SVIL: variants seen among roughly 807,000 people sequenced by gnomAD.
The protein encoded by SVIL is supervillin, also known as archvillin.
A neutral mutation model predicts 240.4 loss-of-function variants in SVIL; 101 were observed. The observed-to-expected ratio is 0.42, with a 90% CI of 0.36 to 0.50. The LOEUF is 0.50. Ranked by LOEUF, SVIL falls within the 20% of genes least tolerant of loss-of-function variation. The probability of loss-of-function intolerance (pLI) is 0.01; values close to 1 mark genes in which losing one functional copy is unlikely to be tolerated. For missense variants in SVIL, 2,512 were observed against 2,818.7 expected (o/e 0.89, Z 2.46); for synonymous variants, 999 against 1,100.0 (o/e 0.91, Z 1.82).
rs2132379371 is a variant in SVIL at position 29,486,424 on chromosome 10, T to G, written c.4619A>C (p.Gln1540Pro). The G allele has an allele frequency of 3.1e-6, 5 of 1,614,196 alleles. No individual in the cohort carries two copies. The change falls in exon 25 of 38, where the codon CAA becomes CCA. Residue 1540 changes from glutamine to proline, a missense_variant. Around this residue, in one of 3 missense-constraint regions of SVIL, gnomAD observed 797 missense variants for 925.3 expected, o/e 0.86. Transcript: ENST00000355867. ...TGAAGTCTTACATTGGTAACTGGTT[T>G]GGCCACCCAGAAGCTTCCAGAAGTC... The part of the protein sequence containing the change: ...AKDFWKLLGG[Q>P]TSYQSAGDPK...
intron 1 of SVIL, among the ~76,000 whole-genome samples, chr10:29,688,601 T>C (rs1241138091): frequency 6.6e-6 from 1 of 152,194 alleles, no homozygotes; most frequent in Non-Finnish European, 1.5e-5. Flanking sequence ...GTGGCAAAAG[T>C]CATTTGAGCA....
chr10:29,502,696 G>C (rs1049919714), intron 17 of SVIL, among the ~76,000 whole-genome samples: 2 of 151,566 alleles, frequency 1.3e-5, no homozygotes, highest in East Asian at 3.9e-4. Flanking sequence ...TGGGTGGGTG[G>C]GTGTGTGTGT....
In SVIL at chr10:29,672,422, C is replaced by T. The variant is rs1448264517; in HGVS notation, c.-301+14131G>A. On this transcript the variant is annotated intron_variant, in intron 2 of 35. Coordinates refer to the SVIL transcript ENST00000375400. Reference sequence around the variant, plus strand: ...ATAGGAGGTTGAGGCTGCAGTGAGCCGTGATCACACCGCTGTGCTTCAGCC... The same window carrying T: ...ATAGGAGGTTGAGGCTGCAGTGAGCTGTGATCACACCGCTGTGCTTCAGCC... Among the ~76,000 whole-genome samples the T allele has an allele frequency of 4.6e-5, 7 of 151,552 alleles. No individual in the cohort carries two copies. The South Asian group carries it at 8.3e-4, about 18-fold the overall frequency.
chr10:29,484,872 C>T lies in SVIL; in HGVS notation c.4780-41G>A, dbSNP rs777407966. On this transcript the variant is annotated intron_variant, in intron 26 of 37. Coordinates refer to ENST00000355867, the MANE Select transcript of SVIL (RefSeq NM_021738.3). This position sits in a 1 kb window ranked among gnomAD's most constrained non-coding sequence, Gnocchi z 4.7. ...CAAAAGAATTTGTTAACTTCAAGAACATGCAACAGTTGAATCAGGTGCAAC... is the reference window on the plus strand; with the variant it reads ...CAAAAGAATTTGTTAACTTCAAGAATATGCAACAGTTGAATCAGGTGCAAC... The T allele has an allele frequency of 2.4e-5, 37 of 1,558,000 alleles. No homozygotes were observed. Among genetic ancestry groups the T allele is most frequent in the Non-Finnish European group, 3.0e-5 (35 of 1,148,332 alleles).
In SVIL at chr10:29,526,954, C is replaced by G; in HGVS notation, c.2342+7G>C. The stretch of plus-strand genomic sequence containing the variant: ...GGGTGCCGCATGCATCTGTATCTGT[C>G]CAGTACCTGGCAGGCTGCACAGCGC... On this transcript the variant is annotated splice_region_variant and intron_variant, in intron 13 of 37. Transcript: ENST00000355867. 3 of 1,589,982 alleles carry G rather than the reference C, an allele frequency of 1.9e-6. No individual in the cohort carries two copies. The highest frequency in any genetic ancestry group is 2.6e-6 in the Non-Finnish European group (3 of 1,171,362).
At chr10:29,490,404 A>C (rs1402302704) in intron 22 of SVIL, among the ~76,000 whole-genome samples, 1 of 152,194 alleles carries the variant, frequency 6.6e-6, no homozygotes, top group Admixed American at 6.5e-5. Context: ...GAATTACCAT[A>C]CTCAGAAATA....
intron 2 of SVIL, among the ~76,000 whole-genome samples, chr10:29,673,612 G>C (rs568850473): frequency 5.3e-4 from 77 of 146,390 alleles, no homozygotes; most frequent in African/African-American, 1.8e-3. Context: ...AGAGCTAGGG[G>C]GGAACTGCCA....
intron 1 of SVIL, among the ~76,000 whole-genome samples, chr10:29,701,670 T>A (rs1048314212): frequency 1.3e-5 from 2 of 152,184 alleles, no homozygotes; most frequent in African/African-American, 4.8e-5. Flanking sequence ...AGGAAATCAT[T>A]CATCACAAAT....
At chr10:29,466,887 T>C (rs916883353) in intron 33 of SVIL, among the ~76,000 whole-genome samples, 2 of 152,244 alleles carry the variant, frequency 1.3e-5, no homozygotes, top group African/African-American at 2.4e-5. Context: ...CTAGGCATTA[T>C]GTTTAAAAAG....
intron 16 of SVIL, among the ~76,000 whole-genome samples, chr10:29,513,172 C>A (rs183290204): frequency 6.6e-6 from 1 of 152,300 alleles, no homozygotes; most frequent in Non-Finnish European, 1.5e-5. Context: ...GCAAGAGAAC[C>A]GTCCCCAGAG....
At chr10:29,725,305 T>C (rs1205299380) in intron 1 of SVIL, among the ~76,000 whole-genome samples, 1 of 152,054 alleles carries the variant, frequency 6.6e-6, no homozygotes, top group African/African-American at 2.4e-5. Flanking sequence ...CGTGTCCCCT[T>C]TGAGCCTCTC....
At chr10:29,729,799 A>G (rs1964511472) in intron 1 of SVIL, among the ~76,000 whole-genome samples, 1 of 130,454 alleles carries the variant, frequency 7.7e-6, no homozygotes, top group Non-Finnish European at 1.5e-5. Flanking sequence ...GCACCGTTGC[A>G]CTCCAGCCTG....
At chr10:29,585,271 A>G (rs1956118987) in intron 1 of SVIL, among the ~76,000 whole-genome samples, 1 of 152,032 alleles carries the variant, frequency 6.6e-6, no homozygotes. Context: ...CATGTTGCCC[A>G]GGTTGGTCTT....
At chr10:29,544,606 A>C (rs1589187976) in intron 6 of SVIL, among the ~76,000 whole-genome samples, 1 of 152,080 alleles carries the variant, frequency 6.6e-6, no homozygotes, top group African/African-American at 2.4e-5. Flanking sequence ...AAATTCAAAA[A>C]TTAGCCAGGC....
intron 16 of SVIL, among the ~76,000 whole-genome samples, chr10:29,518,221 C>T (rs375268934): frequency 6.6e-6 from 1 of 152,102 alleles, no homozygotes; most frequent in Non-Finnish European, 1.5e-5. Flanking sequence ...AACCTTGTCT[C>T]TACTAAAAAT....
At chr10:29,673,965 T>C (rs1413271479) in intron 2 of SVIL, among the ~76,000 whole-genome samples, 1 of 152,212 alleles carries the variant, frequency 6.6e-6, no homozygotes, top group African/African-American at 2.4e-5. Context: ...TGAATGATAA[T>C]GCGAAGTATG....
At position 29,578,966 on chromosome 10, in the gene SVIL, G is replaced by A. The variant is rs1364407421; in HGVS notation, c.-200-9654C>T. 2.0e-5 allele frequency among the ~76,000 whole-genome samples: 3 copies of A among 152,150 alleles called. No homozygotes were observed. In the East Asian group the frequency reaches 5.8e-4, roughly 29 times the overall value. ...GCCATGATGTGAAACAGAAATATTT[G>A]CATGTAGGGAGAATCAGGAAGAACA... On this transcript the variant is annotated intron_variant, in intron 1 of 37. Transcript: ENST00000355867.
rs561252942 is a variant in SVIL, at chr10:29,634,866, G to A, written c.-647C>T. On this transcript the variant is annotated 5_prime_UTR_variant, in exon 1 of 38. Transcript: ENST00000355867. ...AAGTTTTTCGTCCCCTAGTGTCCTCGAGGCTGAACTTCCCCAACCTGGCCT... is the reference window on the plus strand; with the variant it reads ...AAGTTTTTCGTCCCCTAGTGTCCTCAAGGCTGAACTTCCCCAACCTGGCCT... The A allele has an allele frequency of 1.3e-5, 2 of 152,158 alleles. No homozygotes were observed. Among genetic ancestry groups the A allele is most frequent in the African/African-American group, 4.8e-5 (2 of 41,508 alleles). The allele number at this position is 152,158 out of a possible 1,614,324, so 9.4% of individuals were successfully genotyped here. A position where few individuals can be genotyped will look rare whatever the true frequency, so the allele number is the denominator to read the frequency against.
intron 1 of SVIL, among the ~76,000 whole-genome samples, chr10:29,720,422 T>C (rs1191847673): frequency 6.6e-6 from 1 of 152,100 alleles, no homozygotes; most frequent in Non-Finnish European, 1.5e-5. Context: ...ATTATACAAC[T>C]AGTTAGCACA....
Sources: gnomAD v4.1 joint callset for allele counts (sites outside exome capture counted in the v4.1 genomes callset) on GRCh38, gnomAD v4.1.1 for gene constraint, gnomAD v4.1.1 regional missense constraint, Gnocchi (gnomAD v3.1) non-coding constraint, MANE v1.5 for transcripts, NCBI Gene and HGNC (gene_info 2026-07-23, HGNC 2026-07-21) for gene names.